The following MEI1 variants were observed in gnomAD, a reference collection of about 807,000 sequenced individuals.
The protein encoded by MEI1 is meiotic double-stranded break formation protein 1.
In MEI1, 103 loss-of-function variants were observed where a neutral mutation model predicts 146.2. The ratio of observed to expected loss-of-function variants is 0.70; its 90% confidence interval spans 0.60 to 0.83. MEI1 has a LOEUF of 0.83. Among genes scored for constraint, MEI1 ranks in the 40% least tolerant of loss-of-function variants. The probability of loss-of-function intolerance (pLI) is 0.00; values close to 1 mark genes in which losing one functional copy is unlikely to be tolerated. For missense variants in MEI1, 1,529 were observed against 1,533.0 expected, an observed-to-expected ratio of 1.00 and a Z score of 0.04; for synonymous variants, 652 against 628.2, an observed-to-expected ratio of 1.04 and a Z score of -0.57.
intron 20 of MEI1, among the ~76,000 whole-genome samples, chr22:41,775,232 C>T (rs1355096558): frequency 6.6e-6 from 1 of 152,198 alleles, no homozygotes; most frequent in Non-Finnish European, 1.5e-5. Flanking sequence ...ACCTTTATAG[C>T]TTGGGGCAGA....
At chr22:41,723,807 G>C (rs2071079536) in intron 6 of MEI1, 136 bp from the exon 7 acceptor site, 1 of 1,153,276 alleles carries the variant, frequency 8.7e-7, no homozygotes, top group Non-Finnish European at 1.2e-6. Flanking sequence ...GCAAATTGGT[G>C]CTTAAGGATT....
In MEI1 at chr22:41,700,226, G is replaced by T. The variant is rs536633201; in HGVS notation, c.174+514G>T. ...GGGCTCCGAGGGGACAGGAGTGACA[G>T]GTTACAGCCGGGCAGAAGTGGGGGT... On this transcript the variant is annotated intron_variant, in intron 1 of 30. Coordinates refer to ENST00000401548, the MANE Select transcript of MEI1 (RefSeq NM_152513.4). 1.1e-4 allele frequency among the ~76,000 whole-genome samples: 17 copies of T among 152,360 alleles called. No individual in the cohort carries two copies. In the South Asian group the frequency reaches 3.1e-3, roughly 28 times the overall value.
Position 41,716,073 on chromosome 22 carries a change from G to C in MEI1, c.456G>C (p.Leu152=). 1 of 1,611,794 alleles carries C rather than the reference G, an allele frequency of 6.2e-7. No individual in the cohort carries two copies. Among genetic ancestry groups the C allele is most frequent in the Non-Finnish European group, 8.5e-7 (1 of 1,179,000 alleles). The change falls in exon 5 of 31, where the codon CTG becomes CTC. Residue 152 remains leucine (L), a synonymous_variant. Transcript: ENST00000401548. ...ACATGCCCTCCATGCGAGGCAGCCTGGCCACCCTGACCCTTCTTGGCAAGT... is the reference window on the plus strand; with the variant it reads ...ACATGCCCTCCATGCGAGGCAGCCTCGCCACCCTGACCCTTCTTGGCAAGT... ...LCNMPSMRGS[L]ATLTLLGKLV... is the part of the protein sequence containing the mutation.
intron 3 of MEI1, among the ~76,000 whole-genome samples, chr22:41,705,790 C>T (rs1229451384): frequency 6.6e-6 from 1 of 151,468 alleles, no homozygotes; most frequent in Non-Finnish European, 1.5e-5. Context: ...TCACTGCAAC[C>T]TCTGCCTCGC....
At chr22:41,740,728 T>TCAAAAA (rs113925419) in intron 11 of MEI1, among the ~76,000 whole-genome samples, 5,448 of 151,666 alleles carry the variant, frequency 0.036, 284 homozygotes, top group African/African-American at 0.12. Context: ...AGACCCTGTC[T>TCAAAAA]CAAAAACAAA....
intron 6 of MEI1, among the ~76,000 whole-genome samples, chr22:41,718,867 TTTTTTTC>T (rs1257668782): frequency 6.6e-6 from 1 of 151,994 alleles, no homozygotes; most frequent in African/African-American, 2.4e-5. Context: ...AACTTGTCCT[TTTTTTTC>T]TTTTTTCTTT....
chr22:41,758,342 T>A (rs752683657), intron 17 of MEI1, 23 bp from the exon 18 acceptor site: 1 of 1,602,612 alleles, frequency 6.2e-7, no homozygotes, highest in Non-Finnish European at 8.5e-7. Context: ...TGTGTGGCTT[T>A]CCTCTACTTA....
intron 27 of MEI1, 171 bp downstream of exon 27, chr22:41,794,081 A>T (rs1174158660): frequency 1.4e-6 from 1 of 701,548 alleles, no homozygotes; most frequent in African/African-American, 1.8e-5. Context: ...GATGGGATCA[A>T]TAAGGTTCAG....
chr22:41,792,887 C>G (rs12168543), intron 26 of MEI1, among the ~76,000 whole-genome samples: 45,359 of 147,726 alleles, frequency 0.31, 7,178 homozygotes, highest in Non-Finnish European at 0.36. Context: ...CTTATTAGAG[C>G]ATACAATTTT....
intron 26 of MEI1, among the ~76,000 whole-genome samples, chr22:41,787,176 G>C (rs2076020366): frequency 6.6e-6 from 1 of 152,296 alleles, no homozygotes; most frequent in East Asian, 1.9e-4. Context: ...CCTTCCCCTT[G>C]TGGGTTTAAA....
chr22:41,709,514 G>A, intron 3 of MEI1: 2 of 593,882 alleles, frequency 3.4e-6, no homozygotes, highest in South Asian at 2.9e-5. Context: ...GCAGCGGGAT[G>A]TAGGTGCTGT....
chr22:41,780,802 C>A (rs910000273), intron 22 of MEI1, among the ~76,000 whole-genome samples: 1 of 152,030 alleles, frequency 6.6e-6, no homozygotes, highest in African/African-American at 2.4e-5. Context: ...CCAGGTTGGT[C>A]TTGAACTCCT....
At chr22:41,722,929 G>A (rs1003374226) in intron 6 of MEI1, among the ~76,000 whole-genome samples, 7 of 152,152 alleles carry the variant, frequency 4.6e-5, no homozygotes, top group African/African-American at 1.7e-4. Flanking sequence ...CATAGCTTAT[G>A]TGGTCTTTTG....
At chr22:41,739,476 G>A (rs2072675157) in intron 11 of MEI1, among the ~76,000 whole-genome samples, 1 of 151,908 alleles carries the variant, frequency 6.6e-6, no homozygotes. Flanking sequence ...TTTACATTGT[G>A]AAAGTTGTTA....
intron 30 of MEI1, among the ~76,000 whole-genome samples, chr22:41,796,394 C>T (rs2076358710): frequency 1.3e-5 from 2 of 150,464 alleles, no homozygotes; most frequent in South Asian, 4.2e-4. Flanking sequence ...CAGGGTTTCA[C>T]CATATTGGAC....
At chr22:41,733,222 G>A (rs1448701819) in intron 11 of MEI1, among the ~76,000 whole-genome samples, 1 of 152,028 alleles carries the variant, frequency 6.6e-6, no homozygotes, top group African/African-American at 2.4e-5. Context: ...GGCCAAGGTG[G>A]GTTGGATCAC....
intron 1 of MEI1, among the ~76,000 whole-genome samples, chr22:41,700,759 T>A (rs2068648477): frequency 1.4e-4 from 3 of 22,160 alleles, no homozygotes; most frequent in South Asian, 2.3e-3. Flanking sequence ...ATTTTTTTTT[T>A]TTTTTTTTTT....
In MEI1 at chr22:41,781,403, G is replaced by T; in HGVS notation, c.2926+9G>T. 6.3e-7 allele frequency: 1 copy of T among 1,599,472 alleles called. No homozygotes were observed. Among genetic ancestry groups the T allele is most frequent in the East Asian group, 2.2e-5 (1 of 44,500 alleles). ...CAGCAGTCAGAAAAGAGGTGCAGGGGCCCGGGCTGGGACAGTGAAGAGTGC... is the reference window on the plus strand; with the variant it reads ...CAGCAGTCAGAAAAGAGGTGCAGGGTCCCGGGCTGGGACAGTGAAGAGTGC... On this transcript the variant is annotated intron_variant, in intron 23 of 30. Transcript: ENST00000401548.
At chr22:41,725,544 T>G (rs961344031) in intron 7 of MEI1, among the ~76,000 whole-genome samples, 1 of 152,190 alleles carries the variant, frequency 6.6e-6, no homozygotes, top group Non-Finnish European at 1.5e-5. Flanking sequence ...AGAACCTTCT[T>G]TATCTGGATA....
Sources: gnomAD v4.1 joint callset for allele counts (sites outside exome capture counted in the v4.1 genomes callset) on GRCh38, gnomAD v4.1.1 for gene constraint, MANE v1.5 for transcripts, NCBI Gene and HGNC (gene_info 2026-07-23, HGNC 2026-07-21) for gene names.